LYRM4: variants seen among roughly 807,000 people sequenced by gnomAD.
The protein encoded by LYRM4 is LYR motif-containing protein 4.
In LYRM4, 9 loss-of-function variants were observed where a neutral mutation model predicts 11.7. The ratio of observed to expected loss-of-function variants is 0.77; its 90% confidence interval spans 0.46 to 1.34. The LOEUF (loss-of-function observed/expected upper bound fraction) is 1.34, where lower values mean the gene tolerates loss of function less well. LYRM4 is among the 40% of genes most tolerant of loss of function. The probability of loss-of-function intolerance (pLI) is 0.00; values close to 1 mark genes in which losing one functional copy is unlikely to be tolerated. For missense variants in LYRM4, 133 were observed against 112.5 expected (o/e 1.18, Z -0.82); for synonymous variants, 42 against 40.4 (o/e 1.04, Z -0.15).
intron 2 of LYRM4, among the ~76,000 whole-genome samples, chr6:5,164,227 C>G (rs1308013085): frequency 6.6e-6 from 1 of 152,160 alleles, no homozygotes; most frequent in East Asian, 1.9e-4. Flanking sequence ...TCTAGCAATT[C>G]CATTCCTAGA....
chr6:5,155,377 G>T (rs189738370), intron 2 of LYRM4, among the ~76,000 whole-genome samples: 1 of 152,118 alleles, frequency 6.6e-6, no homozygotes, highest in Non-Finnish European at 1.5e-5. Flanking sequence ...CTCTGAGCCC[G>T]GCTGAGATGG....
chr6:5,113,223 A>T (rs945897203), intron 2 of LYRM4: 3 of 363,442 alleles, frequency 8.3e-6, no homozygotes, highest in Admixed American at 6.1e-5. Context: ...TCACGAGGTC[A>T]CAAGTCTGAG....
the LYRM4 span, chr6:5,085,793 A>G: frequency 6.5e-7 from 1 of 1,530,418 alleles, no homozygotes; most frequent in East Asian, 2.5e-5. Flanking sequence ...CAGCAGCAGC[A>G]GCAACAGGCG....
At chr6:5,102,395 G>A (rs983300686), downstream of LYRM4, among the ~76,000 whole-genome samples, 1 of 152,048 alleles carries the variant, frequency 6.6e-6, no homozygotes, top group Non-Finnish European at 1.5e-5. Flanking sequence ...TAAATGAAAT[G>A]CTCCTTTAAG....
At chr6:5,255,585 T>G (rs1764628557) in intron 1 of LYRM4, among the ~76,000 whole-genome samples, 1 of 152,204 alleles carries the variant, frequency 6.6e-6, no homozygotes, top group African/African-American at 2.4e-5. Flanking sequence ...GTAAAAGGCC[T>G]AAGACCAGTT....
chr6:5,216,278 T>C (rs1254513509), intron 2 of LYRM4, among the ~76,000 whole-genome samples: 4 of 152,214 alleles, frequency 2.6e-5, no homozygotes, highest in Non-Finnish European at 5.9e-5. Flanking sequence ...AAAGGGAGAA[T>C]ATATTTATAC....
intron 2 of LYRM4, among the ~76,000 whole-genome samples, chr6:5,186,220 G>T (rs1195673272): frequency 6.6e-6 from 1 of 152,150 alleles, no homozygotes; most frequent in African/African-American, 2.4e-5. Context: ...GAAGCCAAAG[G>T]CTTCTTTCTG....
At position 5,166,410 on chromosome 6, in the gene LYRM4, A is replaced by G. The variant is rs577126767; in HGVS notation, c.207+50208T>C. ...CACGTGATACTCCAGCCCACTGTTT[A>G]AGCTGAATAGATCATGCAGTTATTC... On this transcript the variant is annotated intron_variant, in intron 2 of 2. Transcript: ENST00000330636. Among the ~76,000 whole-genome samples, 24 of 152,386 alleles carry G rather than the reference A, an allele frequency of 1.6e-4. No individual in the cohort carries two copies. In the South Asian group the frequency reaches 4.1e-3, roughly 26 times the overall value.
At chr6:5,174,028 T>C (rs1759578363) in intron 2 of LYRM4, among the ~76,000 whole-genome samples, 1 of 152,224 alleles carries the variant, frequency 6.6e-6, no homozygotes, top group African/African-American at 2.4e-5. Context: ...CATTTTGTCC[T>C]GAGCCCCAGG....
intron 2 of LYRM4, among the ~76,000 whole-genome samples, chr6:5,182,028 C>T (rs968984226): frequency 1.2e-4 from 18 of 152,178 alleles, no homozygotes; most frequent in Non-Finnish European, 2.5e-4. Context: ...ACCTCCCCCC[C>T]AATCCCCAGA....
chr6:5,136,725 GC>G, intron 2 of LYRM4: 1 of 985,340 alleles, frequency 1.0e-6, no homozygotes, highest in Non-Finnish European at 1.2e-6. Flanking sequence ...ATGCTAAACC[GC>G]CCCAAGGAGC....
chr6:5,058,379 C>T, the LYRM4 span, among the ~76,000 whole-genome samples: 6 of 152,324 alleles, frequency 3.9e-5, no homozygotes, highest in East Asian at 1.9e-4. Context: ...TTCTCATGTC[C>T]GTGGGAACAG....
chr6:5,204,581 C>T (rs1170128493), intron 2 of LYRM4, among the ~76,000 whole-genome samples: 1 of 152,178 alleles, frequency 6.6e-6, no homozygotes, highest in Non-Finnish European at 1.5e-5. Flanking sequence ...GAGCGCTAGT[C>T]AGAGCCTCAC....
the LYRM4 span, chr6:5,086,365 G>A: frequency 6.5e-7 from 1 of 1,536,092 alleles, no homozygotes; most frequent in South Asian, 1.2e-5. Context: ...TGCCAAGAAA[G>A]AGCCAGGCGC....
At chr6:5,129,921 A>G (rs465481) in intron 2 of LYRM4, among the ~76,000 whole-genome samples, 138,797 of 152,314 alleles carry the variant, frequency 0.91, 63,310 homozygotes, top group South Asian at 0.93. Flanking sequence ...AAGCAGGGGT[A>G]TGGACGGGTG....
chr6:5,116,407 G>T (rs1763121217), intron 2 of LYRM4, among the ~76,000 whole-genome samples: 1 of 152,224 alleles, frequency 6.6e-6, no homozygotes, highest in Admixed American at 6.5e-5. Flanking sequence ...AGTTATCTCA[G>T]TGAGGGGTAA....
At chr6:5,244,495 T>C (rs1456584433) in intron 1 of LYRM4, among the ~76,000 whole-genome samples, 1 of 152,052 alleles carries the variant, frequency 6.6e-6, no homozygotes, top group Non-Finnish European at 1.5e-5. Context: ...TCTCAGGGGA[T>C]GGGGAGCCAA....
chr6:5,144,514 G>A (rs1581370540), intron 2 of LYRM4, among the ~76,000 whole-genome samples: 1 of 149,898 alleles, frequency 6.7e-6, no homozygotes, highest in Non-Finnish European at 1.5e-5. Context: ...GTGGGCGCCC[G>A]CAGTCCCAGC....
chr6:5,102,391 A>G (rs113199163), downstream of LYRM4, among the ~76,000 whole-genome samples: 29 of 152,296 alleles, frequency 1.9e-4, no homozygotes, highest in African/African-American at 6.3e-4. Flanking sequence ...CATGTAAATG[A>G]AATGCTCCTT....
Sources: gnomAD v4.1 joint callset for allele counts (sites outside exome capture counted in the v4.1 genomes callset) on GRCh38, gnomAD v4.1.1 for gene constraint, MANE v1.5 for transcripts, NCBI Gene and HGNC (gene_info 2026-07-23, HGNC 2026-07-21) for gene names.